Variants in COMMD7 observed in about 807,000 individuals in gnomAD.
The protein encoded by COMMD7 is COMM domain-containing protein 7.
A neutral mutation model predicts 34.8 loss-of-function variants in COMMD7; 28 were observed. The observed-to-expected ratio is 0.80, with a 90% confidence interval of 0.60 to 1.10. The LOEUF is 1.10. Among genes scored for constraint, COMMD7 ranks in the 50% least tolerant of loss-of-function variants. The pLI, the probability that COMMD7 is intolerant of heterozygous loss-of-function variation, is 0.00. For synonymous variants in COMMD7, 80 were observed against 86.4 expected (o/e 0.93, Z 0.41); for missense variants, 211 against 241.6 (o/e 0.87, Z 0.84).
intron 3 of COMMD7, among the ~76,000 whole-genome samples, chr20:32,721,313 A>G (rs986735844): frequency 6.6e-6 from 1 of 152,100 alleles, no homozygotes; most frequent in African/African-American, 2.4e-5. Flanking sequence ...GACTCTATTT[A>G]TTTTTTAAAT....
At chr20:32,717,311 T>C (rs1487332586) in intron 3 of COMMD7, among the ~76,000 whole-genome samples, 1 of 136,562 alleles carries the variant, frequency 7.3e-6, no homozygotes, top group Non-Finnish European at 1.6e-5. Context: ...TGCACCACCA[T>C]GCCCAGTTAA....
intron 1 of COMMD7, among the ~76,000 whole-genome samples, chr20:32,731,749 T>A (rs530638479): frequency 8.5e-5 from 13 of 152,282 alleles, no homozygotes; most frequent in Admixed American, 7.2e-4. Flanking sequence ...AATAAATCTT[T>A]CCTAAACACT....
At chr20:32,705,376 A>ATATTTATATTTTTTTT (rs1335467096) in intron 5 of COMMD7, among the ~76,000 whole-genome samples, 1 of 125,460 alleles carries the variant, frequency 8.0e-6, no homozygotes, top group African/African-American at 3.4e-5. Context: ...ATATATATAT[A>ATATTTATATTTTTTTT]TTTTTTTTTT....
intron 3 of COMMD7, among the ~76,000 whole-genome samples, chr20:32,716,040 A>G (rs1984756463): frequency 6.6e-6 from 1 of 152,106 alleles, no homozygotes; most frequent in Non-Finnish European, 1.5e-5. Context: ...GTTCTCAGGT[A>G]CCATTGGGTC....
At chr20:32,742,375 T>A (rs1267841553) in intron 1 of COMMD7, 1 of 151,450 alleles carries the variant, frequency 6.6e-6, no homozygotes, top group East Asian at 1.9e-4. Context: ...TTGTGGGGGG[T>A]ATGGAGATGA....
intron 5 of COMMD7, among the ~76,000 whole-genome samples, chr20:32,705,289 T>C (rs972630235): frequency 1.3e-5 from 2 of 151,128 alleles, no homozygotes; most frequent in Non-Finnish European, 1.5e-5. Flanking sequence ...GAGCAGTGAA[T>C]TGGAGAAAGG....
At chr20:32,707,600 G>A (rs1051292491) in intron 3 of COMMD7, among the ~76,000 whole-genome samples, 2 of 151,988 alleles carry the variant, frequency 1.3e-5, no homozygotes, top group South Asian at 4.2e-4. Context: ...GATTAAAGGG[G>A]TGAGAGCCAC....
rs567809094 is a variant in COMMD7 at position 32,727,031 on chromosome 20, A to T, written c.241+862T>A. On this transcript the variant is annotated intron_variant, in intron 3 of 8. Coordinates refer to ENST00000278980, the MANE Select transcript of COMMD7 (RefSeq NM_053041.3). ...GGACAGCTTGAGCTAGGAGTTTGAG[A>T]CTAGCCTGGGTAACATAGAGAGACT... Among the ~76,000 whole-genome samples, 3 of 152,116 alleles carry T rather than the reference A, an allele frequency of 2.0e-5. No individual in the cohort carries two copies. The South Asian group carries it at 6.2e-4, about 32-fold the overall frequency.
chr20:32,717,527 T>C (rs1396056383), intron 3 of COMMD7, among the ~76,000 whole-genome samples: 4 of 151,840 alleles, frequency 2.6e-5, no homozygotes, highest in Admixed American at 2.0e-4. Flanking sequence ...GGTTTTGCCA[T>C]GTTGGCCAGG....
chr20:32,732,039 G>A (rs1315264633), intron 1 of COMMD7, among the ~76,000 whole-genome samples: 1 of 152,174 alleles, frequency 6.6e-6, no homozygotes, highest in Non-Finnish European at 1.5e-5. Flanking sequence ...CTGATAATAG[G>A]ATACACTGGG....
Position 32,705,037 on chromosome 20 carries a change from G to A in COMMD7, c.337-133C>T, listed in dbSNP as rs1320802295. 6.0e-6 allele frequency: 4 copies of A among 664,244 alleles called. No homozygotes were observed. The South Asian group carries it at 7.0e-5, about 12-fold the overall frequency. The allele number at this position is 664,244 out of a possible 1,614,324, so 41.1% of individuals were successfully genotyped here. ...TGCAGAAGATAGTGGGGAGGGTGCA[G>A]AACGAAGGGCTCAGTCTATATGCAC... On this transcript the variant is annotated intron_variant, in intron 5 of 8. Coordinates refer to ENST00000278980, the MANE Select transcript of COMMD7 (RefSeq NM_053041.3).
At chr20:32,703,661 TG>T in intron 8 of COMMD7, 1 of 1,433,248 alleles carries the variant, frequency 7.0e-7, no homozygotes, top group Non-Finnish European at 9.1e-7. Flanking sequence ...AAAAGGGGAG[TG>T]AGTGTTCAAA....
At chr20:32,704,119 G>A (rs1274648927) in intron 7 of COMMD7, 48 bp from the exon 8 acceptor site, 27 of 644,630 alleles carry the variant, frequency 4.2e-5, no homozygotes, top group Non-Finnish European at 6.2e-5. Flanking sequence ...TGACAACTGG[G>A]CAAAGAAATT....
chr20:32,705,857 G>A (rs1397023580), intron 5 of COMMD7, among the ~76,000 whole-genome samples: 1 of 152,152 alleles, frequency 6.6e-6, no homozygotes, highest in Non-Finnish European at 1.5e-5. Flanking sequence ...ATACTGATAG[G>A]TGGTTTGGCC....
chr20:32,714,516 C>T (rs142582704), intron 3 of COMMD7, among the ~76,000 whole-genome samples: 3 of 151,342 alleles, frequency 2.0e-5, no homozygotes, highest in South Asian at 2.1e-4. Context: ...GGTGAAACCC[C>T]GTCTCTACTA....
intron 1 of COMMD7, among the ~76,000 whole-genome samples, chr20:32,729,805 G>T (rs1405712083): frequency 6.6e-6 from 1 of 151,796 alleles, no homozygotes; most frequent in Non-Finnish European, 1.5e-5. Flanking sequence ...AGGAGTTTGA[G>T]ACCAGCCTGG....
chr20:32,704,732 T>C (rs1983959249), intron 6 of COMMD7, 82 bp downstream of exon 6: 2 of 1,031,164 alleles, frequency 1.9e-6, no homozygotes, highest in Non-Finnish European at 3.0e-6. Flanking sequence ...AGGTCATGCC[T>C]TCCCCATAGT....
intron 3 of COMMD7, among the ~76,000 whole-genome samples, chr20:32,712,269 CAAAAAAAAAAAAAA>C (rs56096713): frequency 9.7e-5 from 7 of 71,844 alleles, no homozygotes; most frequent in African/African-American, 1.2e-4. Context: ...GACTCCGTCT[CAAAAAAAAAAAAAA>C]AAAAAAAAAA....
chr20:32,737,494 G>A (rs1986200915), intron 1 of COMMD7, among the ~76,000 whole-genome samples: 1 of 151,838 alleles, frequency 6.6e-6, no homozygotes, highest in South Asian at 2.1e-4. Flanking sequence ...GTGATAGAAT[G>A]AGACCCTGTC....
Sources: gnomAD v4.1 joint callset for allele counts (sites outside exome capture counted in the v4.1 genomes callset) on GRCh38, gnomAD v4.1.1 for gene constraint, MANE v1.5 for transcripts, NCBI Gene and HGNC (gene_info 2026-07-23, HGNC 2026-07-21) for gene names.